DOK6: variants seen among roughly 807,000 people sequenced by gnomAD.
DOK6 encodes the protein docking protein 6.
A neutral mutation model predicts 44.0 loss-of-function variants in DOK6; 22 were observed. That is an observed-to-expected ratio of 0.50 (90% CI 0.36 to 0.71). The LOEUF (loss-of-function observed/expected upper bound fraction) is 0.71. Ranked by LOEUF, DOK6 falls within the 30% of genes least tolerant of loss-of-function variation. The pLI is 0.00. For missense variants in DOK6, 340 were observed against 416.4 expected, an observed-to-expected ratio of 0.82 and a Z score of 1.60; for synonymous variants, 166 against 145.5, an observed-to-expected ratio of 1.14 and a Z score of -1.01.
chr18:69,754,520 T>C (rs1979292869), intron 6 of DOK6, among the ~76,000 whole-genome samples: 1 of 152,188 alleles, frequency 6.6e-6, no homozygotes, highest in African/African-American at 2.4e-5. Context: ...AGAGTACTCA[T>C]ATTAGTTTGC....
chr18:69,413,371 T>G (rs1265852982), intron 1 of DOK6, among the ~76,000 whole-genome samples: 1 of 152,150 alleles, frequency 6.6e-6, no homozygotes, highest in African/African-American at 2.4e-5. Flanking sequence ...TGATTTACTC[T>G]GTTCAAACAT....
intron 3 of DOK6, among the ~76,000 whole-genome samples, chr18:69,644,618 T>C (rs1985025327): frequency 6.6e-6 from 1 of 151,818 alleles, no homozygotes; most frequent in African/African-American, 2.4e-5. Context: ...TCTATGTATC[T>C]GTGCCCTGCC....
intron 7 of DOK6, among the ~76,000 whole-genome samples, chr18:69,813,555 T>C (rs1981307183): frequency 1.3e-5 from 2 of 152,120 alleles, no homozygotes; most frequent in Admixed American, 1.3e-4. Flanking sequence ...CCTCTAACCT[T>C]GATGGGCATT....
intron 1 of DOK6, among the ~76,000 whole-genome samples, chr18:69,521,355 C>T (rs1299903404): frequency 6.6e-6 from 1 of 151,326 alleles, no homozygotes; most frequent in Non-Finnish European, 1.5e-5. Context: ...AAGAACCAAT[C>T]AAATCAAGTG....
At chr18:69,729,735 A>G (rs1003998007) in intron 5 of DOK6, among the ~76,000 whole-genome samples, 3 of 152,210 alleles carry the variant, frequency 2.0e-5, no homozygotes, top group African/African-American at 4.8e-5. Context: ...TTCAAATACC[A>G]AATCTGGATA....
chr18:69,811,806 T>A (rs1227631403), intron 7 of DOK6, among the ~76,000 whole-genome samples: 1 of 151,926 alleles, frequency 6.6e-6, no homozygotes, highest in Admixed American at 6.6e-5. Flanking sequence ...GCAGAGGTAC[T>A]GGACAGCAAA....
At chr18:69,601,061 G>A (rs748809608) in intron 3 of DOK6, among the ~76,000 whole-genome samples, 18 of 152,108 alleles carry the variant, frequency 1.2e-4, no homozygotes, top group Non-Finnish European at 2.2e-4. Context: ...AATAAACTAC[G>A]CTTGAGAATA....
At chr18:69,492,824 C>T (rs911561563) in intron 1 of DOK6, among the ~76,000 whole-genome samples, 1 of 149,674 alleles carries the variant, frequency 6.7e-6, no homozygotes, top group African/African-American at 2.4e-5. Flanking sequence ...CATTGGTGGG[C>T]TTTTTTATAG....
chr18:69,447,894 CA>C (rs372923922), intron 1 of DOK6, among the ~76,000 whole-genome samples: 115 of 152,284 alleles, frequency 7.6e-4, no homozygotes, highest in Non-Finnish European at 1.3e-3. Flanking sequence ...CTCAGGTTTC[CA>C]GTGACCTTTA....
intron 1 of DOK6, among the ~76,000 whole-genome samples, chr18:69,523,382 C>A (rs1465537462): frequency 6.6e-6 from 1 of 151,964 alleles, no homozygotes; most frequent in Non-Finnish European, 1.5e-5. Flanking sequence ...TTATGTTCCA[C>A]AAGTGGTTTC....
intron 7 of DOK6, among the ~76,000 whole-genome samples, chr18:69,824,073 T>C (rs1477143468): frequency 1.3e-5 from 2 of 152,012 alleles, no homozygotes; most frequent in African/African-American, 2.4e-5. Context: ...ACTTTAAGTT[T>C]TAGGGTACAT....
At chr18:69,522,597 C>T (rs2119956) in intron 1 of DOK6, among the ~76,000 whole-genome samples, 1 of 151,858 alleles carries the variant, frequency 6.6e-6, no homozygotes, top group Non-Finnish European at 1.5e-5. Context: ...AAGAAAAAGA[C>T]AAAAAAGTAG....
At chr18:69,552,023 C>T (rs1356370895) in intron 1 of DOK6, among the ~76,000 whole-genome samples, 2 of 152,190 alleles carry the variant, frequency 1.3e-5, no homozygotes, top group Non-Finnish European at 2.9e-5. Flanking sequence ...GTTTCACCTA[C>T]ATTTTGCTGA....
At position 69,508,653 on chromosome 18, in the gene DOK6, G is replaced by T. The variant is rs1218226824; in HGVS notation, c.67-55834G>T. Among the ~76,000 whole-genome samples, 8 of 152,138 alleles carry T rather than the reference G, an allele frequency of 5.3e-5. No individual in the cohort carries two copies. In the East Asian group the frequency reaches 1.5e-3, roughly 29 times the overall value. On this transcript the variant is annotated intron_variant, in intron 1 of 7. Coordinates refer to ENST00000382713, the MANE Select transcript of DOK6 (RefSeq NM_152721.6). ...TTCTAGGCAGTGATGTAAAGACAGG[G>T]TTATTAAAATTGGCGTGATGGGTCA...
chr18:69,745,289 T>C (rs557644008), intron 6 of DOK6, among the ~76,000 whole-genome samples: 1 of 152,312 alleles, frequency 6.6e-6, no homozygotes, highest in Non-Finnish European at 1.5e-5. Flanking sequence ...ACAGTTTTGA[T>C]TCTTTGCTTT....
intron 2 of DOK6, among the ~76,000 whole-genome samples, chr18:69,585,630 T>C (rs1281716505): frequency 1.3e-5 from 2 of 152,232 alleles, no homozygotes; most frequent in Non-Finnish European, 2.9e-5. Context: ...GTCTTTTTTT[T>C]CACTGGACAG....
rs556714738 is a variant in DOK6 at position 69,735,939 on chromosome 18, T to C, written c.600-3026T>C. ...TCCTGCCCACTATCACATATATTAC[T>C]TCATTTAATTAAAAACAAACTGATA... On this transcript the variant is annotated intron_variant, in intron 5 of 7. Coordinates refer to ENST00000382713, the MANE Select transcript of DOK6 (RefSeq NM_152721.6). Among the ~76,000 whole-genome samples, 22 of 152,342 alleles carry C rather than the reference T, an allele frequency of 1.4e-4. 1 individual carries two copies. In the South Asian group the frequency reaches 4.1e-3, roughly 29 times the overall value.
chr18:69,588,354 A>T (rs1488800935), intron 2 of DOK6, among the ~76,000 whole-genome samples: 1 of 152,214 alleles, frequency 6.6e-6, no homozygotes, highest in Non-Finnish European at 1.5e-5. Context: ...CTCTTGCTAA[A>T]CAGTTAAAAC....
At chr18:69,473,381 A>T (rs1731547714) in intron 1 of DOK6, among the ~76,000 whole-genome samples, 1 of 152,240 alleles carries the variant, frequency 6.6e-6, no homozygotes, top group South Asian at 2.1e-4. Flanking sequence ...TATCAAAAAG[A>T]TGTTAAAAGG....
Sources: allele counts gnomAD v4.1 joint callset (sites outside exome capture counted in the v4.1 genomes callset), GRCh38; gene constraint gnomAD v4.1.1; transcripts MANE v1.5; gene names NCBI Gene and HGNC (gene_info 2026-07-23, HGNC 2026-07-21).